TCOF1: variants seen among roughly 807,000 people sequenced by gnomAD.
The protein encoded by TCOF1 is treacle ribosome biogenesis factor 1.
TCOF1 carries 33 observed loss-of-function variants against 149.0 expected under a neutral mutation model. That is an observed-to-expected ratio of 0.22 (90% CI 0.17 to 0.30). The LOEUF (loss-of-function observed/expected upper bound fraction) is 0.30. Among genes scored for constraint, TCOF1 ranks in the 10% least tolerant of loss-of-function variants. The probability of loss-of-function intolerance (pLI) is 1.00; values close to 1 mark genes in which losing one functional copy is unlikely to be tolerated. For missense variants in TCOF1, 1,728 were observed against 1,840.7 expected (o/e 0.94, Z 1.12); for synonymous variants, 789 against 738.8 (o/e 1.07, Z -1.10).
Position 150,391,530 on chromosome 5 carries a change from C to A in TCOF1, c.3184-14C>A. On this transcript the variant is annotated splice_polypyrimidine_tract_variant and intron_variant, in intron 19 of 26. Coordinates refer to ENST00000643257, the MANE Select transcript of TCOF1 (RefSeq NM_001371623.1). ...GGACTTGTGAGTCTGAGGGCTACCT[C>A]TTGCCACCCACAGGTGTCAAAGAAG... 2 of 1,606,896 alleles carry A rather than the reference C, an allele frequency of 1.2e-6. No individual in the cohort carries two copies. Among genetic ancestry groups the A allele is most frequent in the South Asian group, 2.2e-5 (2 of 90,970 alleles).
rs190753656 is a variant in TCOF1 at position 150,370,003 on chromosome 5, C to T, written c.639+401C>T. Among the ~76,000 whole-genome samples, 10 of 152,260 alleles carry T rather than the reference C, an allele frequency of 6.6e-5. No homozygotes were observed. The South Asian group carries it at 1.5e-3, about 22-fold the overall frequency. ...GGCTGTCGTGGTCTGGCTAGGGCTG[C>T]GGCTGCTGAGAGGGTTCTGGGCCAA... On this transcript the variant is annotated intron_variant, in intron 6 of 26. Coordinates refer to ENST00000643257, the MANE Select transcript of TCOF1 (RefSeq NM_001371623.1).
chr5:150,398,812 G>A (rs1346876940), intron 25 of TCOF1, among the ~76,000 whole-genome samples: 1 of 152,280 alleles, frequency 6.6e-6, no homozygotes, highest in Non-Finnish European at 1.5e-5. Context: ...CGGGGCCTTA[G>A]CACCTCAGAC....
chr5:150,383,621 G>T, intron 17 of TCOF1: 2 of 1,086,252 alleles, frequency 1.8e-6, no homozygotes, highest in Non-Finnish European at 2.8e-6. Context: ...TTGACAGATT[G>T]GGAATCAAGC....
At chr5:150,380,915 AG>A (rs1561510520) in intron 17 of TCOF1, 1 of 152,322 alleles carries the variant, frequency 6.6e-6, no homozygotes, top group East Asian at 1.9e-4. Context: ...AGGCTGAGGC[AG>A]GAGAATCGCT....
chr5:150,398,640 C>T (rs1314541725), intron 25 of TCOF1, among the ~76,000 whole-genome samples, 189 bp downstream of exon 25: 2 of 152,160 alleles, frequency 1.3e-5, no homozygotes, highest in Non-Finnish European at 2.9e-5. Flanking sequence ...GTAGAAGTGG[C>T]CTGCCGGAGG....
At chr5:150,392,253 C>T (rs372156981) in intron 21 of TCOF1, 77 bp downstream of exon 21, 1 of 1,466,704 alleles carries the variant, frequency 6.8e-7, no homozygotes, top group Non-Finnish European at 9.4e-7. Context: ...TAGCTCTGGC[C>T]TCAGCTCCAT....
At chr5:150,361,112 C>T in intron 1 of TCOF1, 44 bp from the exon 2 acceptor site, 1 of 1,612,956 alleles carries the variant, frequency 6.2e-7, no homozygotes, top group Non-Finnish European at 8.5e-7. Context: ...AGGATCCTTA[C>T]TGTGCTGGGG....
chr5:150,374,264 G>C lies in TCOF1; in HGVS notation c.961G>C (p.Gly321Arg). Residue 321 changes from glycine to arginine, a missense_variant, in exon 8 of 27, where the codon GGG (glycine) becomes CGG (arginine). Gly to Arg is a moderately radical substitution (Grantham distance 125). Around this residue, in one of 2 missense-constraint regions of TCOF1, gnomAD observed 1,696 missense variants for 1,765.4 expected, o/e 0.96. Coordinates refer to ENST00000643257, the MANE Select transcript of TCOF1 (RefSeq NM_001371623.1). ...GAAAGGGGCTACCCCAGCACCCCCT[G>C]GGAAGGCAGGGGCTGTAGCCTCCCA... ...PGKGATPAPP[G>R]KAGAVASQTK... The C allele has an allele frequency of 6.2e-7, 1 of 1,604,632 alleles. No homozygotes were observed. The highest frequency in any genetic ancestry group is 1.1e-5 in the South Asian group (1 of 89,742).
chr5:150,360,085 C>T (rs924860881), intron 1 of TCOF1, among the ~76,000 whole-genome samples: 3 of 152,216 alleles, frequency 2.0e-5, no homozygotes, highest in Non-Finnish European at 4.4e-5. Context: ...GGGAAACTGA[C>T]TCTTGAAATC....
intron 7 of TCOF1, among the ~76,000 whole-genome samples, chr5:150,373,017 T>C (rs1029358251): frequency 1.3e-5 from 2 of 152,148 alleles, no homozygotes; most frequent in Admixed American, 1.3e-4. Flanking sequence ...GCCTCGGCTG[T>C]CTATTTTGCA....
intron 19 of TCOF1, among the ~76,000 whole-genome samples, chr5:150,390,933 G>A (rs756328353): frequency 3.3e-5 from 5 of 152,206 alleles, no homozygotes; most frequent in Admixed American, 6.5e-5. Flanking sequence ...CCAGCTGGTA[G>A]GAGAGGAAAC....
At chr5:150,381,631 A>G (rs1765204052) in intron 17 of TCOF1, among the ~76,000 whole-genome samples, 1 of 152,242 alleles carries the variant, frequency 6.6e-6, no homozygotes, top group Non-Finnish European at 1.5e-5. Context: ...ATGCCAGACT[A>G]AGACATAGGC....
At chr5:150,397,846 T>TG (rs1157428605) in intron 24 of TCOF1, among the ~76,000 whole-genome samples, 1 of 152,190 alleles carries the variant, frequency 6.6e-6, no homozygotes, top group African/African-American at 2.4e-5. Flanking sequence ...GGTCCATGGA[T>TG]GGGACAGAAA....
intron 6 of TCOF1, among the ~76,000 whole-genome samples, chr5:150,370,460 ATT>A (rs959351237): frequency 1.3e-5 from 2 of 152,166 alleles, no homozygotes; most frequent in African/African-American, 4.8e-5. Context: ...GGTTCAAGCG[ATT>A]GTCGTGCCTC....
chr5:150,367,509 C>T (rs1277054267), intron 3 of TCOF1: 2 of 362,264 alleles, frequency 5.5e-6, no homozygotes, highest in South Asian at 2.3e-5. Context: ...GTGAATGGTG[C>T]CCATTGCAGT....
chr5:150,398,536 C>G (rs1423429182), intron 25 of TCOF1, 85 bp downstream of exon 25: 1 of 1,596,844 alleles, frequency 6.3e-7, no homozygotes, highest in Non-Finnish European at 8.5e-7. Context: ...GTTCCTGCCC[C>G]CTTCCCATTT....
At position 150,375,176 on chromosome 5, in the gene TCOF1, G is replaced by T; in HGVS notation, c.1488+13G>T. The T allele has an allele frequency of 6.2e-7, 1 of 1,613,094 alleles. No homozygotes were observed. Among genetic ancestry groups the T allele is most frequent in the Non-Finnish European group, 8.5e-7 (1 of 1,179,592 alleles). ...GAATGCAGCTCAGGTGAGGCTGGAA[G>T]CCGCCCTGCATGGCCTGTGCCCTGC... is the stretch of plus-strand genomic sequence containing the variant. On this transcript the variant is annotated intron_variant, in intron 10 of 26. Coordinates refer to ENST00000643257, the MANE Select transcript of TCOF1 (RefSeq NM_001371623.1).
Position 150,362,342 on chromosome 5 carries a change from C to G in TCOF1, c.164+1131C>G, listed in dbSNP as rs77026097. Among the ~76,000 whole-genome samples the G allele has an allele frequency of 4.1e-4, 62 of 152,190 alleles. 1 individual carries two copies. In the East Asian group the frequency reaches 0.011, roughly 26 times the overall value. On this transcript the variant is annotated intron_variant, in intron 2 of 26. Coordinates refer to ENST00000643257, the MANE Select transcript of TCOF1 (RefSeq NM_001371623.1). ...TGTTCTCTTCATGCACTGGCCTGAC[C>G]ACAGCTGACTAAGGGAGTGAAGGAC... is the stretch of plus-strand genomic sequence containing the variant.
intron 12 of TCOF1, 74 bp from the exon 13 acceptor site, chr5:150,376,008 G>T: frequency 6.2e-7 from 1 of 1,613,582 alleles, no homozygotes; most frequent in African/African-American, 1.3e-5. Context: ...CATGGGTTTT[G>T]GCTGGTGGGG....
Sources: allele counts gnomAD v4.1 joint callset (sites outside exome capture counted in the v4.1 genomes callset), GRCh38; gene constraint gnomAD v4.1.1; regional missense constraint gnomAD v4.1.1; transcripts MANE v1.5; gene names NCBI Gene and HGNC (gene_info 2026-07-23, HGNC 2026-07-21).